Variants in BIRC6 observed in about 807,000 individuals in gnomAD.
The protein encoded by BIRC6 is dual E2 ubiquitin-conjugating enzyme/E3 ubiquitin-protein ligase BIRC6.
In BIRC6, 98 loss-of-function variants were observed where a neutral mutation model predicts 503.3. That is an observed-to-expected ratio of 0.19 (90% confidence interval 0.17 to 0.23). The LOEUF (loss-of-function observed/expected upper bound fraction) is 0.23, where lower values mean the gene tolerates loss of function less well. BIRC6 is among the 10% of genes least tolerant of loss of function. The probability of loss-of-function intolerance (pLI) is 1.00; values close to 1 mark genes in which losing one functional copy is unlikely to be tolerated. For synonymous variants in BIRC6, 2,240 were observed against 2,078.7 expected, an observed-to-expected ratio of 1.08 and a Z score of -2.11; for missense variants, 5,360 against 5,806.0, an observed-to-expected ratio of 0.92 and a Z score of 2.50.
At chr2:32,573,266 C>A (rs958227822) in intron 65 of BIRC6, among the ~76,000 whole-genome samples, 2 of 152,118 alleles carry the variant, frequency 1.3e-5, no homozygotes, top group Non-Finnish European at 2.9e-5. Context: ...TATGTGGTCT[C>A]AGCTCACTGC....
intron 10 of BIRC6, among the ~76,000 whole-genome samples, chr2:32,423,096 T>A (rs1026212963): frequency 6.6e-6 from 1 of 152,046 alleles, no homozygotes. Flanking sequence ...TCTGGCTAAT[T>A]TTTGTATTTT....
chr2:32,535,740 A>G (rs560471998), intron 61 of BIRC6, among the ~76,000 whole-genome samples: 1 of 152,270 alleles, frequency 6.6e-6, no homozygotes, highest in Admixed American at 6.5e-5. Context: ...AGTCTTTGCT[A>G]TTGTGAATAG....
At chr2:32,550,121 C>T (rs1175177179) in intron 65 of BIRC6, among the ~76,000 whole-genome samples, 1 of 152,124 alleles carries the variant, frequency 6.6e-6, no homozygotes, top group East Asian at 1.9e-4. Context: ...ACATCTATTT[C>T]TTTCAGCCAA....
At chr2:32,509,445 G>T (rs984389060) in intron 51 of BIRC6, among the ~76,000 whole-genome samples, 2 of 151,954 alleles carry the variant, frequency 1.3e-5, no homozygotes, top group African/African-American at 4.8e-5. Flanking sequence ...AGTAGATAAG[G>T]GGTTTCACCA....
Position 32,617,825 on chromosome 2 carries a change from C to A in BIRC6, c.14495C>A (p.Thr4832Lys), listed in dbSNP as rs2063340128. Residue 4832 changes from threonine (T) to lysine (K), a missense_variant, in exon 74 of 74, where the codon ACA becomes AAA. Thr to Lys is a moderately conservative substitution (Grantham distance 78). Transcript: ENST00000421745. Reference sequence around the variant, plus strand: ...GCCCCAGAGGTGTGCAGAGCCACAACAGGTGCTGAGGAGACTCTAATGCAT... The same window carrying A: ...GCCCCAGAGGTGTGCAGAGCCACAAAAGGTGCTGAGGAGACTCTAATGCAT... ...DDAPEVCRAT[T>K]GAEETLMHDQ... 1 of 1,613,894 alleles carries A rather than the reference C, an allele frequency of 6.2e-7. No homozygotes were observed. Among genetic ancestry groups the A allele is most frequent in the Non-Finnish European group, 8.5e-7 (1 of 1,179,890 alleles).
intron 24 of BIRC6, 55 bp from the exon 25 acceptor site, chr2:32,464,454 C>T: frequency 6.8e-7 from 1 of 1,474,988 alleles, no homozygotes; most frequent in Non-Finnish European, 9.0e-7. Context: ...GGTATTCTGC[C>T]ACAATTTAGG....
At chr2:32,593,876 A>C in intron 66 of BIRC6, 39 bp from the exon 67 acceptor site, 3 of 1,572,070 alleles carry the variant, frequency 1.9e-6, no homozygotes, top group Non-Finnish European at 2.6e-6. Flanking sequence ...CTAAAATCTT[A>C]ATTTTCCTTG....
intron 9 of BIRC6, 59 bp downstream of exon 9, chr2:32,406,616 G>A (rs2041247927): frequency 8.8e-7 from 1 of 1,140,344 alleles, no homozygotes; most frequent in Non-Finnish European, 1.3e-6. Flanking sequence ...TGTGCATACA[G>A]CTAACTACCA....
chr2:32,578,756 T>A (rs1273896870), intron 66 of BIRC6, among the ~76,000 whole-genome samples: 1 of 151,590 alleles, frequency 6.6e-6, no homozygotes, highest in Non-Finnish European at 1.5e-5. Context: ...ACCATCACAC[T>A]CCATTACACT....
At chr2:32,388,258 G>A (rs1189947718) in intron 3 of BIRC6, among the ~76,000 whole-genome samples, 1 of 151,742 alleles carries the variant, frequency 6.6e-6, no homozygotes, top group Non-Finnish European at 1.5e-5. Context: ...GCGCATGCCT[G>A]TAATCCCAGC....
At chr2:32,429,328 A>G in intron 11 of BIRC6, 33 bp downstream of exon 11, 1 of 1,399,460 alleles carries the variant, frequency 7.1e-7, no homozygotes, top group Non-Finnish European at 9.5e-7. Flanking sequence ...GATTTTAAAA[A>G]AAGAATAGGT....
chr2:32,397,614 G>GTGTGTATATATATA (rs2040069438), intron 6 of BIRC6, among the ~76,000 whole-genome samples: 3 of 134,138 alleles, frequency 2.2e-5, no homozygotes, highest in Non-Finnish European at 3.2e-5. Flanking sequence ...GTATATATGT[G>GTGTGTATATATATA]TGTATATATA....
rs375967261 is a variant in BIRC6 at position 32,414,536 on chromosome 2, G to A, written c.1478-233G>A. Among the ~76,000 whole-genome samples the A allele has an allele frequency of 1.5e-4, 23 of 152,116 alleles. No homozygotes were observed. The East Asian group carries it at 2.5e-3, about 17-fold the overall frequency. On this transcript the variant is annotated intron_variant, in intron 9 of 73. Transcript: ENST00000421745. ...AGAAAAATTAGCTGGGTGTGGTGGCGTGAGCTTGTAATCCCAGCTACTTGG... is the reference window on the plus strand; with the variant it reads ...AGAAAAATTAGCTGGGTGTGGTGGCATGAGCTTGTAATCCCAGCTACTTGG...
At chr2:32,390,174 T>TA (rs2039028810) in intron 4 of BIRC6, among the ~76,000 whole-genome samples, 1 of 150,480 alleles carries the variant, frequency 6.6e-6, no homozygotes. Context: ...TTTCTTTTTT[T>TA]TATATTTTTG....
At chr2:32,586,725 T>G (rs2151273339) in intron 66 of BIRC6, among the ~76,000 whole-genome samples, 1 of 152,226 alleles carries the variant, frequency 6.6e-6, no homozygotes, top group South Asian at 2.1e-4. Flanking sequence ...GGCCAAAATC[T>G]CAACCAGTCT....
At chr2:32,568,602 C>T (rs1353733005) in intron 65 of BIRC6, among the ~76,000 whole-genome samples, 1 of 151,282 alleles carries the variant, frequency 6.6e-6, no homozygotes, top group African/African-American at 2.4e-5. Context: ...TTCAGCACTT[C>T]GAGAGTTCGA....
At position 32,503,150 on chromosome 2, in the gene BIRC6, A is replaced by G. The variant is rs201914691; in HGVS notation, c.9413A>G (p.Asn3138Ser). The change falls in exon 49 of 74, where the codon AAT (asparagine) becomes AGT (serine). Residue 3138 changes from asparagine (N) to serine (S), a missense_variant. This residue lies in a region of BIRC6 where 267 missense variants were observed against 287.6 expected (regional missense o/e 0.93). Coordinates refer to ENST00000421745, the MANE Select transcript of BIRC6 (RefSeq NM_016252.4). ...ATGAAATTTCTTGACTCTGGTCCAA[A>G]TAAAGCTGTTGACAGCACATTGAAA... is the stretch of plus-strand genomic sequence containing the variant. Reference protein sequence around the residue: ...TIMKFLDSGPNKAVDSTLKTR... With the variant: ...TIMKFLDSGPSKAVDSTLKTR... 11 of 1,612,758 alleles carry G rather than the reference A, an allele frequency of 6.8e-6. No homozygotes were observed. The highest frequency in any genetic ancestry group is 1.1e-5 in the South Asian group (1 of 90,780).
chr2:32,460,263 TATATATATA>T (rs1196790884), intron 23 of BIRC6, among the ~76,000 whole-genome samples: 1 of 35,648 alleles, frequency 2.8e-5, no homozygotes, highest in Non-Finnish European at 5.5e-5. Context: ...TATATATATA[TATATATATA>T]TTTTTTTTTT....
intron 43 of BIRC6, 55 bp from the exon 44 acceptor site, chr2:32,491,370 A>T: frequency 6.7e-7 from 1 of 1,482,450 alleles, no homozygotes. Context: ...CAGATACTGC[A>T]TTTCCATTAT....
Sources: gnomAD v4.1 joint callset for allele counts (sites outside exome capture counted in the v4.1 genomes callset) on GRCh38, gnomAD v4.1.1 for gene constraint, gnomAD v4.1.1 regional missense constraint, MANE v1.5 for transcripts, NCBI Gene and HGNC (gene_info 2026-07-23, HGNC 2026-07-21) for gene names.